ASAP1: variants seen among roughly 807,000 people sequenced by gnomAD.
The protein encoded by ASAP1 is ArfGAP with SH3 domain, ankyrin repeat and PH domain 1, also known as arf-GAP with SH3 domain, ANK repeat and PH domain-containing protein 1.
A neutral mutation model predicts 145.2 loss-of-function variants in ASAP1; 43 were observed. That is an observed-to-expected ratio of 0.30 (90% confidence interval 0.23 to 0.38). ASAP1 has a LOEUF of 0.38. Among genes scored for constraint, ASAP1 ranks in the 10% least tolerant of loss-of-function variants. ASAP1 has a pLI of 1.00. For synonymous variants in ASAP1, 546 were observed against 515.5 expected (o/e 1.06, Z -0.80); for missense variants, 1,018 against 1,355.3 (o/e 0.75, Z 3.91).
At chr8:130,202,179 T>C (rs1247643654) in intron 5 of ASAP1, among the ~76,000 whole-genome samples, 1 of 152,166 alleles carries the variant, frequency 6.6e-6, no homozygotes, top group Non-Finnish European at 1.5e-5. Flanking sequence ...TCCACCTAAA[T>C]GGTAACTGTG....
intron 13 of ASAP1, among the ~76,000 whole-genome samples, chr8:130,145,456 T>C (rs1262285722): frequency 1.3e-5 from 2 of 152,024 alleles, no homozygotes; most frequent in African/African-American, 4.8e-5. Context: ...TAGCTGGGAT[T>C]ACAGGCACGC....
chr8:130,320,681 C>T (rs1262664545), intron 3 of ASAP1, among the ~76,000 whole-genome samples: 1 of 151,684 alleles, frequency 6.6e-6, no homozygotes, highest in Non-Finnish European at 1.5e-5. Flanking sequence ...TGTAGCTTTC[C>T]ACACAACCAG....
At chr8:130,140,248 C>T (rs1368455684) in intron 13 of ASAP1, among the ~76,000 whole-genome samples, 1 of 151,660 alleles carries the variant, frequency 6.6e-6, no homozygotes, top group African/African-American at 2.4e-5. Flanking sequence ...TCCATGTTGC[C>T]CAGGCTGCTC....
chr8:130,321,617 T>C (rs1824010972), intron 3 of ASAP1, among the ~76,000 whole-genome samples: 1 of 152,234 alleles, frequency 6.6e-6, no homozygotes. Context: ...GACTCTGTTT[T>C]ATCACCAACA....
chr8:130,224,651 T>C (rs1817489006), intron 4 of ASAP1, among the ~76,000 whole-genome samples: 1 of 152,190 alleles, frequency 6.6e-6, no homozygotes, highest in South Asian at 2.1e-4. Flanking sequence ...TTTTTTCCTA[T>C]GGAATAAAAA....
At chr8:130,404,539 T>C (rs1156856562) in intron 1 of ASAP1, among the ~76,000 whole-genome samples, 1 of 152,208 alleles carries the variant, frequency 6.6e-6, no homozygotes, top group Non-Finnish European at 1.5e-5. Context: ...AAAATAAGTA[T>C]CTGTTACTTG....
intron 4 of ASAP1, among the ~76,000 whole-genome samples, chr8:130,234,877 C>A (rs1818120697): frequency 6.6e-6 from 1 of 152,076 alleles, no homozygotes; most frequent in African/African-American, 2.4e-5. Flanking sequence ...TCAGGCTGGT[C>A]AAATGTTGTA....
intron 1 of ASAP1, among the ~76,000 whole-genome samples, chr8:130,421,920 CTG>C (rs1414436019): frequency 6.6e-6 from 1 of 152,178 alleles, no homozygotes; most frequent in Non-Finnish European, 1.5e-5. Flanking sequence ...GTGAGAAATC[CTG>C]TGAGTTCCAA....
intron 5 of ASAP1, among the ~76,000 whole-genome samples, chr8:130,213,336 GACAC>G (rs1475793018): frequency 6.6e-6 from 1 of 152,238 alleles, no homozygotes; most frequent in African/African-American, 2.4e-5. Flanking sequence ...CAGGAAGACA[GACAC>G]ATACACACGT....
At chr8:130,119,255 T>TA (rs1207603875) in intron 18 of ASAP1, among the ~76,000 whole-genome samples, 1 of 152,122 alleles carries the variant, frequency 6.6e-6, no homozygotes, top group Non-Finnish European at 1.5e-5. Flanking sequence ...CATAACTCTC[T>TA]ATTTTATAGG....
chr8:130,176,017 G>A (rs980740298), intron 9 of ASAP1, among the ~76,000 whole-genome samples: 2 of 152,210 alleles, frequency 1.3e-5, no homozygotes, highest in African/African-American at 2.4e-5. Context: ...GGATATGTCT[G>A]TTTGGAAAGC....
chr8:130,053,879 C>T lies in ASAP1; in HGVS notation c.*852G>A, dbSNP rs1471180490. On this transcript the variant is annotated 3_prime_UTR_variant, in exon 30 of 30. Coordinates refer to ENST00000518721, the MANE Select transcript of ASAP1 (RefSeq NM_018482.4). The stretch of plus-strand genomic sequence containing the variant: ...CAAGTTTAAAAAATGTACAATTCCA[C>T]TTATCCATACTATTCCTTTATAAAA... 2 of 152,480 alleles carry T rather than the reference C, an allele frequency of 1.3e-5. No homozygotes were observed. Among genetic ancestry groups the T allele is most frequent in the African/African-American group, 2.4e-5 (1 of 41,578 alleles). The allele number at this position is 152,480 out of a possible 1,614,324, so 9.4% of individuals were successfully genotyped here.
intron 3 of ASAP1, among the ~76,000 whole-genome samples, chr8:130,307,515 G>T (rs900014259): frequency 6.6e-6 from 1 of 151,954 alleles, no homozygotes; most frequent in African/African-American, 2.4e-5. Flanking sequence ...AGAGCAAAGT[G>T]GTAAAATTTT....
At chr8:130,342,971 G>A (rs900485872) in intron 3 of ASAP1, among the ~76,000 whole-genome samples, 1 of 152,194 alleles carries the variant, frequency 6.6e-6, no homozygotes, top group Non-Finnish European at 1.5e-5. Flanking sequence ...GGGCAGTACA[G>A]GTTGGGTCTG....
intron 3 of ASAP1, among the ~76,000 whole-genome samples, chr8:130,296,764 G>GA (rs200994455): frequency 0.023 from 3,239 of 142,638 alleles, 39 homozygotes; most frequent in East Asian, 0.065. Flanking sequence ...TAGTTTAAAA[G>GA]AAAAAAAAAA....
Position 130,052,950 on chromosome 8 carries a change from G to A in ASAP1, c.*1781C>T, listed in dbSNP as rs2134958650. 1 of 152,284 alleles carries A rather than the reference G, an allele frequency of 6.6e-6. No individual in the cohort carries two copies. The highest frequency in any genetic ancestry group is 6.5e-5 in the Admixed American group (1 of 15,286). 9.4% of individuals were successfully genotyped at this position (152,284 alleles called of 1,614,324 possible). A position where few individuals can be genotyped will look rare whatever the true frequency, so the allele number is the denominator to read the frequency against. ...CAGTCACAACCCAGCATGTCAACTG[G>A]TTCCTCATGCTCTGTTTGGTGTGGA... On this transcript the variant is annotated 3_prime_UTR_variant, in exon 30 of 30. Transcript: ENST00000518721.
intron 3 of ASAP1, among the ~76,000 whole-genome samples, chr8:130,339,139 T>C (rs1269950877): frequency 6.6e-6 from 1 of 152,152 alleles, no homozygotes; most frequent in Non-Finnish European, 1.5e-5. Context: ...TAAAAGGTCT[T>C]TGTCATGGCA....
At chr8:130,175,608 G>T (rs113141272) in intron 9 of ASAP1, among the ~76,000 whole-genome samples, 2,145 of 152,040 alleles carry the variant, frequency 0.014, 51 homozygotes, top group African/African-American at 0.048. Flanking sequence ...CTATTCTGTG[G>T]GTTGTCTTTT....
chr8:130,442,535 A>G (rs1830519712), intron 1 of ASAP1, among the ~76,000 whole-genome samples: 1 of 152,320 alleles, frequency 6.6e-6, no homozygotes, highest in South Asian at 2.1e-4. Flanking sequence ...ATCCCAAAAC[A>G]TTACTCAGCA....
Sources: allele counts gnomAD v4.1 joint callset (sites outside exome capture counted in the v4.1 genomes callset), GRCh38; gene constraint gnomAD v4.1.1; transcripts MANE v1.5; gene names NCBI Gene and HGNC (gene_info 2026-07-23, HGNC 2026-07-21).